Variants in GAPDH observed in about 807,000 individuals in gnomAD.
GAPDH encodes the protein glyceraldehyde-3-phosphate dehydrogenase.
Under a neutral mutation model 31.2 loss-of-function variants are expected in GAPDH, and 13 were observed. The observed-to-expected ratio is 0.42, with a 90% confidence interval of 0.27 to 0.66. GAPDH has a LOEUF of 0.66. Among genes scored for constraint, GAPDH ranks in the 30% least tolerant of loss-of-function variants. The pLI, the probability that GAPDH is intolerant of heterozygous loss-of-function variation, is 0.26. For synonymous variants in GAPDH, 211 were observed against 166.9 expected (o/e 1.26, Z -2.04); for missense variants, 300 against 443.7 (o/e 0.68, Z 2.91).
intron 4 of GAPDH, 36 bp from the exon 5 acceptor site, chr12:6,536,884 T>G: frequency 6.3e-7 from 1 of 1,593,512 alleles, no homozygotes; most frequent in Non-Finnish European, 8.6e-7. Flanking sequence ...TGTCCCTCAA[T>G]ATGGTCCTGT....
intron 2 of GAPDH, 57 bp downstream of exon 2, chr12:6,534,918 A>T: frequency 6.3e-7 from 1 of 1,589,464 alleles, no homozygotes; most frequent in South Asian, 1.1e-5. Context: ...AACCGCGTCT[A>T]CGAGCCTTGC....
At chr12:6,535,306 A>C in intron 2 of GAPDH, 1 of 1,000,182 alleles carries the variant, frequency 1.0e-6, no homozygotes, top group Non-Finnish European at 1.2e-6. Flanking sequence ...CCATGTTGCA[A>C]CCGGGAAGGA....
At chr12:6,535,049 C>T (rs1260460648) in intron 2 of GAPDH, 188 bp downstream of exon 2, 2 of 805,368 alleles carry the variant, frequency 2.5e-6, no homozygotes, top group Non-Finnish European at 3.7e-6. Context: ...TGTGCAGCTC[C>T]GCCCTTGCGG....
intron 1 of GAPDH, 84 bp from the exon 2 acceptor site, chr12:6,534,726 A>C (rs1372314746): frequency 1.3e-5 from 15 of 1,183,490 alleles, no homozygotes; most frequent in South Asian, 1.3e-4. Context: ...CGGGCTGGGC[A>C]TGGAGGCCTG....
chr12:6,534,753 G>C, intron 1 of GAPDH, 57 bp from the exon 2 acceptor site: 1 of 1,451,284 alleles, frequency 6.9e-7, no homozygotes, highest in Non-Finnish European at 9.7e-7. Context: ...GAGGGGAGGG[G>C]AGGCGTGTGT....
chr12:6,534,976 G>C, intron 2 of GAPDH, 115 bp downstream of exon 2: 2 of 1,195,644 alleles, frequency 1.7e-6, no homozygotes, highest in South Asian at 1.4e-5. Flanking sequence ...GCTGTTCCCC[G>C]CAAGGAGAGC....
intron 2 of GAPDH, chr12:6,535,205 C>T: frequency 9.1e-7 from 1 of 1,096,150 alleles, no homozygotes. Context: ...AGGAGCCCCT[C>T]CCCCACGGCC....
At chr12:6,536,168 C>T (rs1418038978) in intron 2 of GAPDH, among the ~76,000 whole-genome samples, 1 of 152,212 alleles carries the variant, frequency 6.6e-6, no homozygotes, top group Admixed American at 6.5e-5. Context: ...AGCAAGCATT[C>T]CTGGGGTGGC....
chr12:6,536,601 C>T lies in GAPDH; in HGVS notation c.129+8C>T, dbSNP rs113854245. 4.3e-6 allele frequency: 7 copies of T among 1,611,566 alleles called. No homozygotes were observed. The highest frequency in any genetic ancestry group is 4.0e-5 in the African/African-American group (3 of 74,820). On this transcript the variant is annotated splice_region_variant and intron_variant, in intron 3 of 8. Transcript: ENST00000229239. Reference sequence around the variant, plus strand: ...ATTGACCTCAACTACATGGTGAGTGCTACATGGTGAGCCCCAAAGCTGGTG... The same window carrying T: ...ATTGACCTCAACTACATGGTGAGTGTTACATGGTGAGCCCCAAAGCTGGTG...
chr12:6,534,919 C>G lies in GAPDH; in HGVS notation c.29+58C>G, dbSNP rs45505494. ...TGCGACCGCCCCCGAACCGCGTCTACGAGCCTTGCGGGCTCCGGGTCTTTG... is the reference window on the plus strand; with the variant it reads ...TGCGACCGCCCCCGAACCGCGTCTAGGAGCCTTGCGGGCTCCGGGTCTTTG... On this transcript the variant is annotated intron_variant, in intron 2 of 8. Transcript: ENST00000229239. 3.7e-3 allele frequency: 5,918 copies of G among 1,581,492 alleles called. 221 individuals are homozygous for G. In the African/African-American group the frequency reaches 0.07, roughly 19 times the overall value.
chr12:6,536,551 T>C lies in GAPDH; in HGVS notation c.87T>C (p.Asp29=). The change falls in exon 3 of 9, where the codon GAT becomes GAC. Residue 29 remains aspartate (D), a synonymous_variant. Transcript: ENST00000229239. ...CTGCTTTTAACTCTGGTAAAGTGGA[T>C]ATTGTTGCCATCAATGACCCCTTCA... ...TRAAFNSGKV[D]IVAINDPFID... The C allele has an allele frequency of 6.2e-7, 1 of 1,613,914 alleles. No individual in the cohort carries two copies. Among genetic ancestry groups the C allele is most frequent in the Non-Finnish European group, 8.5e-7 (1 of 1,179,986 alleles).
At chr12:6,535,134 C>T in intron 2 of GAPDH, 5 of 947,858 alleles carry the variant, frequency 5.3e-6, no homozygotes, top group Non-Finnish European at 7.1e-6. Flanking sequence ...GATCCCGACC[C>T]GGACCCCTAG....
At chr12:6,534,956 G>A in intron 2 of GAPDH, 95 bp downstream of exon 2, 1 of 1,351,976 alleles carries the variant, frequency 7.4e-7, no homozygotes, top group Non-Finnish European at 1.0e-6. Context: ...AGTCGTATGG[G>A]GGCAGGGTAG....
At chr12:6,536,406 G>T in intron 2 of GAPDH, 88 bp from the exon 3 acceptor site, 2 of 920,500 alleles carry the variant, frequency 2.2e-6, no homozygotes, top group South Asian at 1.3e-5. Flanking sequence ...TGCTGCATTC[G>T]CCCTCTTAAT....
In GAPDH at chr12:6,537,413, C is replaced by A; in HGVS notation, c.525+23C>A. The A allele has an allele frequency of 6.2e-7, 1 of 1,600,456 alleles. No individual in the cohort carries two copies. On this transcript the variant is annotated intron_variant, in intron 7 of 8. Transcript: ENST00000229239. The surrounding 1 kb of genome is among the most constrained non-coding windows in gnomAD (Gnocchi z 4.9). ...ATGGTATGAGAGCTGGGGAATGGGA[C>A]TGAGGCTCCCACCTTTCTCATCCAA...
At chr12:6,535,934 G>A (rs1287929308) in intron 2 of GAPDH, among the ~76,000 whole-genome samples, 1 of 152,218 alleles carries the variant, frequency 6.6e-6, no homozygotes, top group Non-Finnish European at 1.5e-5. Context: ...GAGCTAGGAA[G>A]GACAGGCAAC....
At position 6,536,969 on chromosome 12, in the gene GAPDH, G is replaced by T. The variant is rs770105201; in HGVS notation, c.286G>T (p.Val96Leu). 6.2e-7 allele frequency: 1 copy of T among 1,613,872 alleles called. No individual in the cohort carries two copies. The highest frequency in any genetic ancestry group is 8.5e-7 in the Non-Finnish European group (1 of 1,179,954). ...KWGDAGAEYV[V>L]ESTGVFTTME... The stretch of plus-strand genomic sequence containing the variant: ...GGGCGATGCTGGCGCTGAGTACGTC[G>T]TGGAGTCCACTGGCGTCTTCACCAC... Residue 96 changes from valine (V) to leucine (L), a missense_variant, in exon 5 of 9, where the codon GTG (valine) becomes TTG (leucine). Coordinates refer to ENST00000229239, the MANE Select transcript of GAPDH (RefSeq NM_002046.7).
Position 6,535,841 on chromosome 12 carries a change from G to A in GAPDH, c.30-653G>A, listed in dbSNP as rs569334675. On this transcript the variant is annotated intron_variant, in intron 2 of 8. Transcript: ENST00000229239. ...ATAGCTGCTGACCTTTCTGTAGCTG[G>A]GGGCCTGGGCTGGGGCTCTCTCCCA... is the stretch of plus-strand genomic sequence containing the variant. 1.4e-4 allele frequency among the ~76,000 whole-genome samples: 21 copies of A among 152,316 alleles called. No homozygotes were observed. In the South Asian group the frequency reaches 4.3e-3, roughly 32 times the overall value.
Position 6,537,607 on chromosome 12 carries a change from C to T in GAPDH, c.549C>T (p.Ala183=), listed in dbSNP as rs369619209. 1.6e-5 allele frequency: 26 copies of T among 1,611,846 alleles called. No homozygotes were observed. The highest frequency in any genetic ancestry group is 4.0e-5 in the African/African-American group (3 of 74,872). ...GLMTTVHAIT[A]TQKTVDGPSG... ...AGACCACAGTCCATGCCATCACTGCCACCCAGAAGACTGTGGATGGCCCCT... is the reference window on the plus strand; with the variant it reads ...AGACCACAGTCCATGCCATCACTGCTACCCAGAAGACTGTGGATGGCCCCT... The change falls in exon 8 of 9, where the codon GCC becomes GCT. Residue 183 remains alanine, a synonymous_variant. Transcript: ENST00000229239. This position sits in a 1 kb window ranked among gnomAD's most constrained non-coding sequence, Gnocchi z 4.9.
Sources: gnomAD v4.1 joint callset for allele counts (sites outside exome capture counted in the v4.1 genomes callset) on GRCh38, gnomAD v4.1.1 for gene constraint, Gnocchi (gnomAD v3.1) non-coding constraint, MANE v1.5 for transcripts, NCBI Gene and HGNC (gene_info 2026-07-23, HGNC 2026-07-21) for gene names.